LRIG1: variants seen among roughly 807,000 people sequenced by gnomAD.
LRIG1 encodes leucine-rich repeats and immunoglobulin-like domains protein 1.
A neutral mutation model predicts 99.2 loss-of-function variants in LRIG1; 48 were observed. That is an observed-to-expected ratio of 0.48 (90% CI 0.38 to 0.62). The LOEUF is 0.62. Among genes scored for constraint, LRIG1 ranks in the 20% least tolerant of loss-of-function variants. The pLI is 0.00. For missense variants in LRIG1, 1,646 were observed against 1,434.4 expected (o/e 1.15, Z -2.38); for synonymous variants, 772 against 596.1 (o/e 1.29, Z -4.30).
chr3:66,466,390 TACC>T (rs1222948831), intron 1 of LRIG1, among the ~76,000 whole-genome samples: 1 of 152,238 alleles, frequency 6.6e-6, no homozygotes, highest in African/African-American at 2.4e-5. Context: ...TGTATGTATA[TACC>T]ACATTTTGTG....
At chr3:66,416,741 G>A (rs956623810) in intron 4 of LRIG1, among the ~76,000 whole-genome samples, 1 of 152,220 alleles carries the variant, frequency 6.6e-6, no homozygotes, top group African/African-American at 2.4e-5. Flanking sequence ...GGCTTCCAAT[G>A]TGAATCCTCT....
intron 3 of LRIG1, among the ~76,000 whole-genome samples, chr3:66,433,944 C>T (rs1012702898): frequency 1.3e-5 from 2 of 152,210 alleles, no homozygotes; most frequent in African/African-American, 2.4e-5. Context: ...CTTTTAAAAA[C>T]ATGTCATCAT....
chr3:66,385,769 AACTC>A (rs1196128339), intron 13 of LRIG1, among the ~76,000 whole-genome samples: 1 of 152,216 alleles, frequency 6.6e-6, no homozygotes, highest in Non-Finnish European at 1.5e-5. Context: ...AGATTTTTAA[AACTC>A]ACCAAAAACA....
chr3:66,397,865 G>A (rs531620706), intron 11 of LRIG1, among the ~76,000 whole-genome samples: 4 of 152,324 alleles, frequency 2.6e-5, no homozygotes, highest in South Asian at 2.1e-4. Flanking sequence ...CCTGCGGCCC[G>A]ACTGCCTGCT....
rs1700876183 is a variant in LRIG1 at position 66,379,156 on chromosome 3, TG to T, written c.*1106del. 1 of 152,648 alleles carries T rather than the reference TG, an allele frequency of 6.6e-6. No individual in the cohort carries two copies. Among genetic ancestry groups the T allele is most frequent in the African/African-American group, 2.4e-5 (1 of 41,448 alleles). 9.5% of individuals were successfully genotyped at this position (152,648 alleles called of 1,614,324 possible). On this transcript the variant is annotated 3_prime_UTR_variant, in exon 19 of 19. Transcript: ENST00000273261. ...ATTTAAGTTTTACTAAATGACACAT[TG>T]GCACTCATAAGATGGTTAGCTACCA...
At chr3:66,442,752 C>T (rs756266894) in intron 3 of LRIG1, among the ~76,000 whole-genome samples, 9 of 152,040 alleles carry the variant, frequency 5.9e-5, no homozygotes, top group Admixed American at 3.9e-4. Flanking sequence ...GAGAAAGAGG[C>T]GGGCGGGGTG....
At chr3:66,498,552 CAT>C (rs1469558978) in intron 1 of LRIG1, among the ~76,000 whole-genome samples, 18 of 140,450 alleles carry the variant, frequency 1.3e-4, no homozygotes, top group East Asian at 4.5e-4. Context: ...ATTTTGCCCA[CAT>C]GATTCTATTT....
At chr3:66,407,613 G>A (rs1442845265) in intron 7 of LRIG1, 122 bp from the exon 8 acceptor site, 38 of 1,010,464 alleles carry the variant, frequency 3.8e-5, no homozygotes, top group Non-Finnish European at 4.8e-5. Flanking sequence ...GCACACGCAC[G>A]CGCGTGCGTG....
In LRIG1 at chr3:66,483,967, G is replaced by A. The variant is rs143595378; in HGVS notation, c.218+16223C>T. Reference sequence around the variant, plus strand: ...CAAAGCCACTTCAGTGACAATTCTTGCATATGGGACTTTTCCAAAATTCAG... The same window carrying A: ...CAAAGCCACTTCAGTGACAATTCTTACATATGGGACTTTTCCAAAATTCAG... On this transcript the variant is annotated intron_variant, in intron 1 of 18. Coordinates refer to ENST00000273261, the MANE Select transcript of LRIG1 (RefSeq NM_015541.3). 5.5e-3 allele frequency among the ~76,000 whole-genome samples: 841 copies of A among 152,342 alleles called. 3 individuals carry two copies. The highest frequency in any genetic ancestry group is 0.019 in the African/African-American group (787 of 41,572).
Position 66,381,475 on chromosome 3 carries a change from A to T in LRIG1, c.2770+4T>A. 6.2e-7 allele frequency: 1 copy of T among 1,611,696 alleles called. No homozygotes were observed. Among genetic ancestry groups the T allele is most frequent in the East Asian group, 2.2e-5 (1 of 44,820 alleles). On this transcript the variant is annotated splice_donor_region_variant and intron_variant, in intron 17 of 18. Transcript: ENST00000273261. ...AACTACTTCCAATGGGAAGCATCTC[A>T]TACCCATCTTATGTGGCCCAGGTGT...
At chr3:66,444,457 A>T (rs955892643) in intron 3 of LRIG1, among the ~76,000 whole-genome samples, 1 of 152,106 alleles carries the variant, frequency 6.6e-6, no homozygotes, top group African/African-American at 2.4e-5. Flanking sequence ...CACACTGGTG[A>T]CATTAGGAGT....
intron 15 of LRIG1, among the ~76,000 whole-genome samples, 179 bp from the exon 16 acceptor site, chr3:66,382,577 T>C (rs975917101): frequency 7.2e-6 from 1 of 138,354 alleles, no homozygotes; most frequent in East Asian, 2.0e-4. Flanking sequence ...AGCTTTACTC[T>C]ACACCCAGCG....
intron 13 of LRIG1, 71 bp downstream of exon 13, chr3:66,385,910 A>C: frequency 7.3e-7 from 1 of 1,370,712 alleles, no homozygotes; most frequent in Non-Finnish European, 1.0e-6. Context: ...CTCTACATGG[A>C]AAGCTGAAAG....
At chr3:66,393,054 T>C (rs939078662) in intron 12 of LRIG1, among the ~76,000 whole-genome samples, 1 of 151,990 alleles carries the variant, frequency 6.6e-6, no homozygotes, top group African/African-American at 2.4e-5. Context: ...ATGGTGAAGG[T>C]AGGGGTGGAT....
Position 66,383,208 on chromosome 3 carries a change from T to C in LRIG1, c.2265A>G (p.Ala755=), listed in dbSNP as rs1367432013. ...NQLLVVQNVV[A]EDAGRYTCEM... The stretch of plus-strand genomic sequence containing the variant: ...CACAGGTATATCGGCCCGCATCCTC[T>C]GCCACCACGTTCTGAACCACCAGGA... The change falls in exon 15 of 19, where the codon GCA becomes GCG. Residue 755 remains alanine (A), a synonymous_variant. Coordinates refer to ENST00000273261, the MANE Select transcript of LRIG1 (RefSeq NM_015541.3). The C allele has an allele frequency of 6.2e-7, 1 of 1,614,122 alleles. No homozygotes were observed. The highest frequency in any genetic ancestry group is 1.1e-5 in the South Asian group (1 of 91,092).
chr3:66,385,957 A>C (rs969574934), intron 13 of LRIG1, 24 bp downstream of exon 13: 6 of 1,598,962 alleles, frequency 3.8e-6, no homozygotes, highest in African/African-American at 1.3e-5. Context: ...TTCTGGTACT[A>C]TAACAAAGAT....
In LRIG1 at chr3:66,500,776, G is replaced by A. The variant is rs959747208; in HGVS notation, c.-369C>T. ...GGCAGTGCTGCCGCTGCGCCTGGAA[G>A]ACAGGCGTTCAGCCCCGCAGCCCGA... On this transcript the variant is annotated 5_prime_UTR_variant, in exon 1 of 19. Coordinates refer to ENST00000273261, the MANE Select transcript of LRIG1 (RefSeq NM_015541.3). The A allele has an allele frequency of 3.0e-5, 5 of 164,346 alleles. No homozygotes were observed. The highest frequency in any genetic ancestry group is 5.2e-5 in the Non-Finnish European group (4 of 76,562). The allele number at this position is 164,346 out of a possible 1,614,324, so 10.2% of individuals were successfully genotyped here. A position where few individuals can be genotyped will look rare whatever the true frequency, so the allele number is the denominator to read the frequency against.
intron 3 of LRIG1, among the ~76,000 whole-genome samples, chr3:66,418,738 A>G (rs1335399785): frequency 6.6e-6 from 1 of 152,186 alleles, no homozygotes; most frequent in Non-Finnish European, 1.5e-5. Flanking sequence ...CAAACACTTG[A>G]CCGAATCAGT....
At chr3:66,382,439 G>GAC in intron 15 of LRIG1, 41 bp from the exon 16 acceptor site, 2 of 1,612,866 alleles carry the variant, frequency 1.2e-6, no homozygotes, top group Non-Finnish European at 1.7e-6. Flanking sequence ...GGGTCTCAGT[G>GAC]ACAAGAAATG....
Sources: allele counts gnomAD v4.1 joint callset (sites outside exome capture counted in the v4.1 genomes callset), GRCh38; gene constraint gnomAD v4.1.1; transcripts MANE v1.5; gene names NCBI Gene and HGNC (gene_info 2026-07-23, HGNC 2026-07-21).